ANKRD28: variants seen among roughly 807,000 people sequenced by gnomAD.
ANKRD28 encodes serine/threonine-protein phosphatase 6 regulatory ankyrin repeat subunit A.
In ANKRD28, 44 loss-of-function variants were observed where a neutral mutation model predicts 126.5. The ratio of observed to expected loss-of-function variants is 0.35; its 90% CI spans 0.27 to 0.45. The LOEUF (loss-of-function observed/expected upper bound fraction) is 0.45. ANKRD28 is among the 20% of genes least tolerant of loss of function. The pLI is 1.00. For missense variants in ANKRD28, 1,110 were observed against 1,316.6 expected, an observed-to-expected ratio of 0.84 and a Z score of 2.43; for synonymous variants, 442 against 468.5, an observed-to-expected ratio of 0.94 and a Z score of 0.73.
At chr3:15,762,154 C>T (rs187832207) in intron 3 of ANKRD28, among the ~76,000 whole-genome samples, 17 of 137,136 alleles carry the variant, frequency 1.2e-4, no homozygotes, top group Admixed American at 2.2e-4. Flanking sequence ...TGCCACTGCC[C>T]TCCAGCCTGG....
At chr3:15,813,080 A>G (rs1034455694) in intron 1 of ANKRD28, among the ~76,000 whole-genome samples, 1 of 151,792 alleles carries the variant, frequency 6.6e-6, no homozygotes, top group Non-Finnish European at 1.5e-5. Context: ...AAAAAATTAA[A>G]AAGTTTAATA....
rs1387997718 is a variant in ANKRD28 at position 15,668,609 on chromosome 3, A to G, written c.*1661T>C. On this transcript the variant is annotated 3_prime_UTR_variant, in exon 28 of 28. Coordinates refer to ENST00000683139, the MANE Select transcript of ANKRD28 (RefSeq NM_001349278.2). ...GATACAAATACATTATTCATTAAATACAACTCACATCTGTGTTTTATTATA... is the reference window on the plus strand; with the variant it reads ...GATACAAATACATTATTCATTAAATGCAACTCACATCTGTGTTTTATTATA... The G allele has an allele frequency of 6.6e-6, 1 of 152,618 alleles. No individual in the cohort carries two copies. Among genetic ancestry groups the G allele is most frequent in the East Asian group, 1.9e-4 (1 of 5,198 alleles). 9.5% of individuals were successfully genotyped at this position (152,618 alleles called of 1,614,324 possible).
chr3:15,795,862 T>C (rs1356108839), intron 1 of ANKRD28, among the ~76,000 whole-genome samples: 2 of 152,246 alleles, frequency 1.3e-5, no homozygotes, highest in Middle Eastern at 3.4e-3. Flanking sequence ...AACACATGCA[T>C]AACTAAATAT....
At chr3:15,859,286 GAGCGGGCGTCCC>G in intron 1 of ANKRD28, 3 of 1,487,172 alleles carry the variant, frequency 2.0e-6, no homozygotes, top group Middle Eastern at 1.8e-4. Flanking sequence ...CCACCCCGCC[GAGCGGGCGTCCC>G]AGCGGCCCAC....
chr3:15,837,681 A>T (rs1185797757), intron 1 of ANKRD28, among the ~76,000 whole-genome samples: 2 of 152,132 alleles, frequency 1.3e-5, no homozygotes, highest in African/African-American at 4.8e-5. Context: ...GGGCACAGTG[A>T]TGTTAAAAAA....
chr3:15,804,444 TGTCAAAGAAATCAATG>T (rs1189072805), intron 1 of ANKRD28, among the ~76,000 whole-genome samples: 2 of 145,894 alleles, frequency 1.4e-5, no homozygotes, highest in Admixed American at 6.8e-5. Flanking sequence ...AAGGGTGCTT[TGTCAAAGAAATCAATG>T]GTCTGCTAGT....
intron 2 of ANKRD28, among the ~76,000 whole-genome samples, chr3:15,794,354 G>C (rs752615848): frequency 6.6e-6 from 1 of 151,624 alleles, no homozygotes; most frequent in South Asian, 2.1e-4. Context: ...AAAGATGAGA[G>C]TTAAAAATGA....
intron 4 of ANKRD28, among the ~76,000 whole-genome samples, chr3:15,748,726 G>A (rs1342919053): frequency 6.6e-6 from 1 of 152,070 alleles, no homozygotes; most frequent in African/African-American, 2.4e-5. Context: ...TCTTGTATTT[G>A]GATGTCCAGA....
At chr3:15,677,133 C>T (rs2067018494) in intron 25 of ANKRD28, 77 bp from the exon 26 acceptor site, 3 of 1,170,650 alleles carry the variant, frequency 2.6e-6, no homozygotes, top group Non-Finnish European at 3.8e-6. Flanking sequence ...ATCTGCAATC[C>T]TAGTCCATAT....
intron 21 of ANKRD28, chr3:15,684,942 A>C (rs1431080318): frequency 2.8e-6 from 1 of 355,838 alleles, no homozygotes; most frequent in Non-Finnish European, 5.3e-6. Flanking sequence ...TGGGCAACAT[A>C]GCAAGATCCT....
In ANKRD28 at chr3:15,814,013, C is replaced by G. The variant is rs2060782392; in HGVS notation, c.28-18707G>C. On this transcript the variant is annotated intron_variant, in intron 1 of 27. Transcript: ENST00000399451. The surrounding 1 kb of genome is among the most constrained non-coding windows in gnomAD (Gnocchi z 4.7). ...ATCTTAGATTTATAAGCCCCCTCCACTGAAAATTTACTTGAATTATAAAAC... is the reference window on the plus strand; with the variant it reads ...ATCTTAGATTTATAAGCCCCCTCCAGTGAAAATTTACTTGAATTATAAAAC... Among the ~76,000 whole-genome samples, 1 of 152,196 alleles carries G rather than the reference C, an allele frequency of 6.6e-6. No individual in the cohort carries two copies. The highest frequency in any genetic ancestry group is 2.4e-5 in the African/African-American group (1 of 41,456).
chr3:15,826,803 A>G (rs2061077116), intron 1 of ANKRD28, among the ~76,000 whole-genome samples: 2 of 152,208 alleles, frequency 1.3e-5, no homozygotes, highest in South Asian at 4.1e-4. Context: ...GAACTACTGC[A>G]TTAGTCCAAT....
At chr3:15,713,495 T>C (rs1441450574) in intron 10 of ANKRD28, 32 bp downstream of exon 10, 9 of 1,541,184 alleles carry the variant, frequency 5.8e-6, no homozygotes, top group Non-Finnish European at 8.0e-6. Flanking sequence ...TGCTTGCCTG[T>C]ATCAGTTATC....
chr3:15,753,315 G>A (rs1391323049), intron 3 of ANKRD28, among the ~76,000 whole-genome samples: 1 of 152,186 alleles, frequency 6.6e-6, no homozygotes, highest in Admixed American at 6.5e-5. Context: ...GGTAGAAGAC[G>A]GAATGTACAA....
intron 14 of ANKRD28, among the ~76,000 whole-genome samples, chr3:15,706,526 T>C (rs1386974575): frequency 6.6e-6 from 1 of 152,200 alleles, no homozygotes; most frequent in Non-Finnish European, 1.5e-5. Flanking sequence ...TCTTTGCTAT[T>C]GTGAATAGTG....
At chr3:15,764,487 T>C (rs895433918) in intron 3 of ANKRD28, among the ~76,000 whole-genome samples, 1 of 151,936 alleles carries the variant, frequency 6.6e-6, no homozygotes, top group East Asian at 1.9e-4. Context: ...AAGGAAGGGA[T>C]TAAGTCAACT....
chr3:15,776,329 A>G (rs2059266015), intron 2 of ANKRD28, among the ~76,000 whole-genome samples: 1 of 152,228 alleles, frequency 6.6e-6, no homozygotes, highest in Admixed American at 6.5e-5. Context: ...AAGTTTACAA[A>G]TAGCTGCATC....
intron 2 of ANKRD28, among the ~76,000 whole-genome samples, chr3:15,786,363 C>T (rs1553634735): frequency 2.0e-5 from 3 of 149,764 alleles, no homozygotes; most frequent in African/African-American, 4.9e-5. Context: ...AAATCTATTA[C>T]AAAAAAAAAG....
intron 18 of ANKRD28, among the ~76,000 whole-genome samples, chr3:15,689,420 C>T (rs1396444349): frequency 6.6e-6 from 1 of 152,182 alleles, no homozygotes; most frequent in Non-Finnish European, 1.5e-5. Flanking sequence ...AAGATGAATC[C>T]ACTGCCACTG....
Sources: allele counts gnomAD v4.1 joint callset (sites outside exome capture counted in the v4.1 genomes callset), GRCh38; gene constraint gnomAD v4.1.1; non-coding constraint Gnocchi (gnomAD v3.1); transcripts MANE v1.5; gene names NCBI Gene and HGNC (gene_info 2026-07-23, HGNC 2026-07-21).